The following PTPRG variants were observed in gnomAD, a reference collection of about 807,000 sequenced individuals.
The protein encoded by PTPRG is receptor-type tyrosine-protein phosphatase gamma.
Under a neutral mutation model 165.3 loss-of-function variants are expected in PTPRG, and 102 were observed. The observed-to-expected ratio is 0.62, with a 90% confidence interval of 0.53 to 0.73. PTPRG has a LOEUF of 0.73. Among genes scored for constraint, PTPRG ranks in the 30% least tolerant of loss-of-function variants. The pLI is 0.00. For synonymous variants in PTPRG, 675 were observed against 669.5 expected, an observed-to-expected ratio of 1.01 and a Z score of -0.13; for missense variants, 1,866 against 1,861.4, an observed-to-expected ratio of 1.00 and a Z score of -0.05.
At chr3:62,241,240 G>A (rs991726068) in intron 14 of PTPRG, among the ~76,000 whole-genome samples, 1 of 152,132 alleles carries the variant, frequency 6.6e-6, no homozygotes, top group Non-Finnish European at 1.5e-5. Flanking sequence ...AGACAGCGGC[G>A]GGAATGTGTT....
intron 20 of PTPRG, among the ~76,000 whole-genome samples, chr3:62,270,015 A>G (rs1474209822): frequency 6.6e-6 from 1 of 152,204 alleles, no homozygotes; most frequent in East Asian, 1.9e-4. Context: ...TTATATGAAT[A>G]TATACTGTTT....
At chr3:62,277,450 A>T in intron 25 of PTPRG, 101 bp from the exon 26 acceptor site, 2 of 1,300,806 alleles carry the variant, frequency 1.5e-6, no homozygotes, top group South Asian at 1.3e-5. Flanking sequence ...ATTTTAGTGT[A>T]GTCAAAACAG....
At position 62,214,600 on chromosome 3, in the gene PTPRG, A is replaced by G. The variant is rs1700452342; in HGVS notation, c.2156-4251A>G. Among the ~76,000 whole-genome samples, 1 of 152,164 alleles carries G rather than the reference A, an allele frequency of 6.6e-6. No individual in the cohort carries two copies. The highest frequency in any genetic ancestry group is 2.4e-5 in the African/African-American group (1 of 41,444). On this transcript the variant is annotated intron_variant, in intron 12 of 29. Transcript: ENST00000474889. The surrounding 1 kb of genome is among the most constrained non-coding windows in gnomAD (Gnocchi z 5.2). Reference sequence around the variant, plus strand: ...AAATCAGCCCTGCCTTTGGGGACCTAGAGTAACAAAAGAGCGATTATAATT... The same window carrying G: ...AAATCAGCCCTGCCTTTGGGGACCTGGAGTAACAAAAGAGCGATTATAATT...
Position 62,271,399 on chromosome 3 carries a change from C to A in PTPRG, c.3026C>A (p.Pro1009His). 1 of 1,606,070 alleles carries A rather than the reference C, an allele frequency of 6.2e-7. No individual in the cohort carries two copies. The highest frequency in any genetic ancestry group is 8.5e-7 in the Non-Finnish European group (1 of 1,176,784). ...TTCTCACAGGGTCAGAAGGGAAATC[C>A]CAAGGGTCGTCAGAATGAAAGGGTA... is the stretch of plus-strand genomic sequence containing the variant. ...TKVKKGQKGN[P>H]KGRQNERVVI... The change falls in exon 21 of 30, where the codon CCC (proline) becomes CAC (histidine). Residue 1009 changes from proline (P) to histidine (H), a missense_variant. Pro to His is a moderately conservative substitution (Grantham distance 77, BLOSUM62 -2). Around this residue, in one of 3 missense-constraint regions of PTPRG, gnomAD observed 1,452 missense variants for 1,463.0 expected, o/e 0.99. Transcript: ENST00000474889. The surrounding 1 kb of genome is among the most constrained non-coding windows in gnomAD (Gnocchi z 4.1).
chr3:61,772,877 G>A lies in PTPRG; in HGVS notation c.190+23895G>A, dbSNP rs557486131. Among the ~76,000 whole-genome samples the A allele has an allele frequency of 5.3e-5, 8 of 152,216 alleles. No homozygotes were observed. In the East Asian group the frequency reaches 1.4e-3, roughly 26 times the overall value. On this transcript the variant is annotated intron_variant, in intron 2 of 29. Transcript: ENST00000474889. ...AGAGAATATGCTGTAACTTTTTCCC[G>A]TGTCCTTCAGTATGGGGATTTTCAG...
intron 12 of PTPRG, among the ~76,000 whole-genome samples, chr3:62,215,104 A>G (rs914565241): frequency 3.7e-4 from 56 of 152,192 alleles, no homozygotes; most frequent in African/African-American, 1.3e-3. Context: ...ACAGCAGGAG[A>G]TGATGCTGGG....
At chr3:61,740,344 A>T (rs1297073811) in intron 1 of PTPRG, among the ~76,000 whole-genome samples, 2 of 152,178 alleles carry the variant, frequency 1.3e-5, no homozygotes, top group East Asian at 3.8e-4. Flanking sequence ...GGTGCCTGTG[A>T]GAAAGAGGGA....
chr3:62,282,611 C>A lies in PTPRG; in HGVS notation c.3913-116C>A, dbSNP rs1050017137. 1.1e-5 allele frequency: 11 copies of A among 1,021,426 alleles called. No individual in the cohort carries two copies. In the African/African-American group the frequency reaches 1.8e-4, roughly 17 times the overall value. 63.3% of individuals were successfully genotyped at this position (1,021,426 alleles called of 1,614,324 possible). On this transcript the variant is annotated intron_variant, in intron 27 of 29. Transcript: ENST00000474889. Reference sequence around the variant, plus strand: ...CTTTCCAGCTGTGGTTTGGTTAACACAACATTGTTGAGAGTTACCTATAAC... The same window carrying A: ...CTTTCCAGCTGTGGTTTGGTTAACAAAACATTGTTGAGAGTTACCTATAAC...
chr3:62,228,716 T>A lies in PTPRG; in HGVS notation c.2289-2509T>A, dbSNP rs1258102146. On this transcript the variant is annotated intron_variant, in intron 13 of 29. Transcript: ENST00000474889. This position sits in a 1 kb window ranked among gnomAD's most constrained non-coding sequence, Gnocchi z 4.1. ...AGAATCAGATTCTTTTCTGGAAGAT[T>A]CTACATGTACAAAGTACAAAGGCAC... Among the ~76,000 whole-genome samples the A allele has an allele frequency of 6.6e-6, 1 of 152,128 alleles. No homozygotes were observed. Among genetic ancestry groups the A allele is most frequent in the African/African-American group, 2.4e-5 (1 of 41,424 alleles).
intron 5 of PTPRG, among the ~76,000 whole-genome samples, chr3:62,126,585 T>C (rs1421917458): frequency 1.3e-5 from 2 of 152,198 alleles, no homozygotes; most frequent in African/African-American, 4.8e-5. Context: ...TAGATGATGA[T>C]ACAGGGCCAT....
At chr3:61,781,542 A>AATCTATCATGAGTTTC (rs1317572708) in intron 2 of PTPRG, among the ~76,000 whole-genome samples, 2 of 152,154 alleles carry the variant, frequency 1.3e-5, no homozygotes, top group Non-Finnish European at 2.9e-5. Context: ...GAGAATGCTT[A>AATCTATCATGAGTTTC]ATCTATCATG....
At chr3:61,967,200 A>G (rs890636382) in intron 2 of PTPRG, among the ~76,000 whole-genome samples, 5 of 152,180 alleles carry the variant, frequency 3.3e-5, no homozygotes, top group African/African-American at 9.6e-5. Flanking sequence ...CATAGGGCCT[A>G]TTGCAGTTAT....
chr3:61,673,149 G>A (rs988521203), intron 1 of PTPRG, among the ~76,000 whole-genome samples: 2 of 152,018 alleles, frequency 1.3e-5, no homozygotes, highest in Admixed American at 1.3e-4. Context: ...GCAACAGAGC[G>A]ATACTCTGTC....
At chr3:61,569,582 G>A (rs1047900454) in intron 1 of PTPRG, among the ~76,000 whole-genome samples, 3 of 152,176 alleles carry the variant, frequency 2.0e-5, no homozygotes, top group Non-Finnish European at 4.4e-5. Flanking sequence ...ACTTCCCAAA[G>A]TGCTAGGATT....
chr3:61,992,576 T>C (rs1484156907), intron 3 of PTPRG, among the ~76,000 whole-genome samples: 1 of 151,934 alleles, frequency 6.6e-6, no homozygotes, highest in Non-Finnish European at 1.5e-5. Flanking sequence ...CCGCAGTGCA[T>C]TGGTGCAATC....
chr3:61,827,916 C>G (rs1296660022), intron 2 of PTPRG, among the ~76,000 whole-genome samples: 3 of 152,132 alleles, frequency 2.0e-5, no homozygotes, highest in African/African-American at 7.2e-5. Context: ...CTCATATATA[C>G]TACCTAAAGA....
intron 2 of PTPRG, among the ~76,000 whole-genome samples, chr3:61,955,602 T>C (rs989336008): frequency 6.6e-6 from 1 of 152,212 alleles, no homozygotes; most frequent in Admixed American, 6.5e-5. Flanking sequence ...GAAACCTGGC[T>C]GTTCCATTAT....
chr3:61,643,040 A>G (rs533152678), intron 1 of PTPRG, among the ~76,000 whole-genome samples: 46 of 152,372 alleles, frequency 3.0e-4, no homozygotes, highest in African/African-American at 1.1e-3. Flanking sequence ...GTTGTTAGGG[A>G]TACCATTGGC....
chr3:61,677,258 A>G (rs932565885), intron 1 of PTPRG, among the ~76,000 whole-genome samples: 2 of 151,842 alleles, frequency 1.3e-5, no homozygotes, highest in Non-Finnish European at 1.5e-5. Context: ...AAAAAAAAAA[A>G]AAAAAAGAAT....
Sources: allele counts gnomAD v4.1 joint callset (sites outside exome capture counted in the v4.1 genomes callset), GRCh38; gene constraint gnomAD v4.1.1; regional missense constraint gnomAD v4.1.1; non-coding constraint Gnocchi (gnomAD v3.1); transcripts MANE v1.5; gene names NCBI Gene and HGNC (gene_info 2026-07-23, HGNC 2026-07-21).